TTLL7: variants seen among roughly 807,000 people sequenced by gnomAD.
TTLL7 encodes the protein tubulin polyglutamylase TTLL7.
A neutral mutation model predicts 120.2 loss-of-function variants in TTLL7; 53 were observed. The observed-to-expected ratio is 0.44, with a 90% confidence interval of 0.35 to 0.55. The LOEUF is 0.55. Among genes scored for constraint, TTLL7 ranks in the 20% least tolerant of loss-of-function variants. TTLL7 has a pLI of 0.00. For missense variants in TTLL7, 803 were observed against 1,054.7 expected (o/e 0.76, Z 3.31); for synonymous variants, 353 against 351.7 (o/e 1.00, Z -0.04).
At chr1:83,951,034 G>A (rs773445693) in intron 3 of TTLL7, among the ~76,000 whole-genome samples, 1 of 152,074 alleles carries the variant, frequency 6.6e-6, no homozygotes, top group Non-Finnish European at 1.5e-5. Flanking sequence ...TGAGATAAAT[G>A]GAACTCCTGG....
At chr1:83,945,734 T>C (rs1178063441) in intron 6 of TTLL7, among the ~76,000 whole-genome samples, 3 of 151,856 alleles carry the variant, frequency 2.0e-5, no homozygotes, top group African/African-American at 7.2e-5. Context: ...TATGTTTTAA[T>C]ATCAAATATA....
chr1:83,983,629 C>G (rs1030723573), intron 1 of TTLL7, among the ~76,000 whole-genome samples: 5 of 152,074 alleles, frequency 3.3e-5, no homozygotes, highest in African/African-American at 1.2e-4. Flanking sequence ...GGGATCTCAT[C>G]AAACTAAAGA....
intron 18 of TTLL7, among the ~76,000 whole-genome samples, chr1:83,892,641 T>C (rs1193106101): frequency 6.7e-6 from 1 of 149,358 alleles, no homozygotes; most frequent in Non-Finnish European, 1.5e-5. Context: ...TGAATGAACA[T>C]ATATATGAAC....
chr1:83,981,642 A>C (rs1651964282), intron 1 of TTLL7: 1 of 152,370 alleles, frequency 6.6e-6, no homozygotes, highest in East Asian at 1.9e-4. Flanking sequence ...ATCCTGGCTA[A>C]CACGGTGAAA....
intron 7 of TTLL7, among the ~76,000 whole-genome samples, chr1:83,939,149 T>C (rs1180596839): frequency 6.6e-6 from 1 of 152,166 alleles, no homozygotes; most frequent in Non-Finnish European, 1.5e-5. Context: ...AACAACAGTC[T>C]CTATCCTTAT....
intron 13 of TTLL7, 72 bp from the exon 14 acceptor site, chr1:83,917,762 C>A: frequency 1.0e-6 from 1 of 973,920 alleles, no homozygotes; most frequent in Non-Finnish European, 1.6e-6. Flanking sequence ...GATTAATCTC[C>A]ACAAAATAAT....
chr1:83,892,501 TATGA>T (rs1292992566), intron 18 of TTLL7, among the ~76,000 whole-genome samples: 1 of 120,356 alleles, frequency 8.3e-6, no homozygotes, highest in East Asian at 2.1e-4. Context: ...TATATGAACA[TATGA>T]ATGAACATAT....
rs764581166 is a variant in TTLL7 at position 83,919,761 on chromosome 1, A to G, written c.1438T>C (p.Phe480Leu). 1.2e-5 allele frequency: 20 copies of G among 1,613,004 alleles called. No homozygotes were observed. The highest frequency in any genetic ancestry group is 1.6e-5 in the Non-Finnish European group (19 of 1,179,452). The change falls in exon 13 of 21, where the codon TTC (phenylalanine) becomes CTC (leucine). Residue 480 changes from phenylalanine (F) to leucine (L), a missense_variant. By Grantham distance (22) the Phe-to-Leu change is conservative. Coordinates refer to ENST00000260505, the MANE Select transcript of TTLL7 (RefSeq NM_024686.6). ...ENLLAVAFQT[F>L]LSGRAASFQR... ...AATGAAGCTGCTCTTCCTGAAAGGA[A>G]GGTCTGAAAGGCAACAGCTAACAAA...
chr1:83,990,444 G>A (rs1344294545), intron 1 of TTLL7, among the ~76,000 whole-genome samples: 1 of 152,098 alleles, frequency 6.6e-6, no homozygotes, highest in African/African-American at 2.4e-5. Flanking sequence ...CAAAGTGCTG[G>A]GATTACAGGC....
rs540682741 is a variant in TTLL7 at position 83,968,253 on chromosome 1, A to C, written c.-176-15866T>G. Reference sequence around the variant, plus strand: ...TGGGCCATAATATTATTGGACAAAAAACAAATGGAGTCATGAGTACCAGCT... The same window carrying C: ...TGGGCCATAATATTATTGGACAAAACACAAATGGAGTCATGAGTACCAGCT... On this transcript the variant is annotated intron_variant, in intron 1 of 20. Coordinates refer to ENST00000260505, the MANE Select transcript of TTLL7 (RefSeq NM_024686.6). 8.2e-4 allele frequency among the ~76,000 whole-genome samples: 124 copies of C among 152,128 alleles called. No homozygotes were observed. The Middle Eastern group carries it at 0.01, about 13-fold the overall frequency.
intron 1 of TTLL7, among the ~76,000 whole-genome samples, chr1:83,954,652 A>G (rs1649349306): frequency 6.6e-6 from 1 of 152,216 alleles, no homozygotes; most frequent in Admixed American, 6.5e-5. Context: ...GTGGGGCCCA[A>G]CCATCAGCAT....
At chr1:83,905,706 G>A (rs1748184) in intron 17 of TTLL7, among the ~76,000 whole-genome samples, 13 of 151,996 alleles carry the variant, frequency 8.6e-5, no homozygotes, top group South Asian at 4.2e-4. Flanking sequence ...GAAGAAATGC[G>A]CTTTCACAAA....
intron 6 of TTLL7, among the ~76,000 whole-genome samples, chr1:83,944,869 AAG>A (rs1393185003): frequency 2.6e-5 from 4 of 152,208 alleles, no homozygotes; most frequent in African/African-American, 9.6e-5. Context: ...TAACAACATA[AAG>A]GGAGTAAATC....
chr1:83,892,593 TATGA>T (rs553438355), intron 18 of TTLL7, among the ~76,000 whole-genome samples: 6 of 134,936 alleles, frequency 4.4e-5, no homozygotes, highest in East Asian at 4.0e-4. Context: ...TAAATGAACA[TATGA>T]ATGAACATAT....
chr1:83,965,472 T>C (rs1003079189), intron 1 of TTLL7, among the ~76,000 whole-genome samples: 5 of 152,102 alleles, frequency 3.3e-5, no homozygotes, highest in Admixed American at 2.0e-4. Flanking sequence ...TGCAGAACTG[T>C]GAGTCAGTTA....
intron 20 of TTLL7, among the ~76,000 whole-genome samples, chr1:83,872,721 C>T (rs949086157): frequency 1.3e-5 from 2 of 152,150 alleles, no homozygotes; most frequent in Non-Finnish European, 1.5e-5. Flanking sequence ...TCCAGGATCA[C>T]AAATAACTTA....
At chr1:83,900,898 A>G (rs1656664759) in intron 18 of TTLL7, among the ~76,000 whole-genome samples, 1 of 151,876 alleles carries the variant, frequency 6.6e-6, no homozygotes, top group Non-Finnish European at 1.5e-5. Flanking sequence ...TGTCTTACTA[A>G]TTTTTGCTCA....
chr1:83,896,302 G>A (rs1469084334), intron 18 of TTLL7, among the ~76,000 whole-genome samples: 1 of 152,010 alleles, frequency 6.6e-6, no homozygotes, highest in Non-Finnish European at 1.5e-5. Flanking sequence ...ACAAATGGGA[G>A]ATTCAGTCAA....
At position 83,916,892 on chromosome 1, in the gene TTLL7, C is replaced by T. The variant is rs910162385; in HGVS notation, c.1587+712G>A. Among the ~76,000 whole-genome samples, 5 of 151,938 alleles carry T rather than the reference C, an allele frequency of 3.3e-5. No homozygotes were observed. The South Asian group carries it at 6.2e-4, about 19-fold the overall frequency. The stretch of plus-strand genomic sequence containing the variant: ...ATCGCCTGAAACCAGGGGTTCAAGA[C>T]CAGCCTTGGCAACACAGTGAGACAC... On this transcript the variant is annotated intron_variant, in intron 14 of 20. Coordinates refer to ENST00000260505, the MANE Select transcript of TTLL7 (RefSeq NM_024686.6).
Sources: gnomAD v4.1 joint callset for allele counts (sites outside exome capture counted in the v4.1 genomes callset) on GRCh38, gnomAD v4.1.1 for gene constraint, MANE v1.5 for transcripts, NCBI Gene and HGNC (gene_info 2026-07-23, HGNC 2026-07-21) for gene names.